MYO5A: variants seen among roughly 807,000 people sequenced by gnomAD.
MYO5A encodes unconventional myosin-Va.
MYO5A carries 98 observed loss-of-function variants against 249.7 expected under a neutral mutation model. The observed-to-expected ratio is 0.39, with a 90% confidence interval of 0.33 to 0.46. The LOEUF (loss-of-function observed/expected upper bound fraction) is 0.46, where lower values mean the gene tolerates loss of function less well. Ranked by LOEUF, MYO5A falls within the 20% of genes least tolerant of loss-of-function variation. The probability of loss-of-function intolerance (pLI) is 0.98; values close to 1 mark genes in which losing one functional copy is unlikely to be tolerated. For synonymous variants in MYO5A, 778 were observed against 810.6 expected, an observed-to-expected ratio of 0.96 and a Z score of 0.68; for missense variants, 1,696 against 2,308.8, an observed-to-expected ratio of 0.73 and a Z score of 5.44.
At chr15:52,430,235 T>C (rs2075496300) in intron 2 of MYO5A, among the ~76,000 whole-genome samples, 1 of 152,176 alleles carries the variant, frequency 6.6e-6, no homozygotes, top group Non-Finnish European at 1.5e-5. Flanking sequence ...GCCCTGTAAA[T>C]ACACAATTGT....
At chr15:52,356,973 A>G (rs1183348005) in intron 25 of MYO5A, among the ~76,000 whole-genome samples, 1 of 152,052 alleles carries the variant, frequency 6.6e-6, no homozygotes, top group African/African-American at 2.4e-5. Context: ...TCCACAAATT[A>G]ATTACACCTG....
chr15:52,431,864 T>G (rs1402435038), intron 2 of MYO5A, among the ~76,000 whole-genome samples: 1 of 151,958 alleles, frequency 6.6e-6, no homozygotes, highest in Non-Finnish European at 1.5e-5. Context: ...GGCTCATGCC[T>G]GTGGTTCCAG....
At chr15:52,402,778 G>A (rs1175446977) in intron 9 of MYO5A, among the ~76,000 whole-genome samples, 2 of 152,136 alleles carry the variant, frequency 1.3e-5, no homozygotes, top group Non-Finnish European at 2.9e-5. Context: ...CCAGGAGGTG[G>A]AGGTTGCAGT....
At chr15:52,377,257 A>G (rs993950004) in intron 18 of MYO5A, among the ~76,000 whole-genome samples, 1 of 151,916 alleles carries the variant, frequency 6.6e-6, no homozygotes, top group Non-Finnish European at 1.5e-5. Context: ...CCCTGTCTCT[A>G]TTAAAATACA....
At chr15:52,413,519 GATGCTCAT>G (rs1259141043) in intron 5 of MYO5A, among the ~76,000 whole-genome samples, 2 of 152,086 alleles carry the variant, frequency 1.3e-5, no homozygotes, top group African/African-American at 4.8e-5. Context: ...AACCATGTAG[GATGCTCAT>G]TATCCTATGA....
rs1465516863 is a variant in MYO5A, at chr15:52,348,105, C to T, written c.3858+713G>A. 3.3e-5 allele frequency among the ~76,000 whole-genome samples: 5 copies of T among 152,216 alleles called. No homozygotes were observed. In the East Asian group the frequency reaches 7.7e-4, roughly 23 times the overall value. On this transcript the variant is annotated intron_variant, in intron 29 of 41. Coordinates refer to ENST00000399233, the MANE Select transcript of MYO5A (RefSeq NM_001382347.1). ...TATGCTTCTCTCCTGGGTGGTAAGT[C>T]ACCAGTTCTTCCCTCATTCTGACTA...
rs1054277622 is a variant in MYO5A, at chr15:52,496,729, T to C, written c.27+32051A>G. ...AGACTATGAGGGCTTCATTGTACTA[T>C]TGGACTATTGATGACTCAACACTGA... On this transcript the variant is annotated intron_variant, in intron 1 of 41. Coordinates refer to ENST00000399233, the MANE Select transcript of MYO5A (RefSeq NM_001382347.1). Among the ~76,000 whole-genome samples the C allele has an allele frequency of 2.6e-5, 4 of 152,318 alleles. No homozygotes were observed. In the East Asian group the frequency reaches 7.7e-4, roughly 29 times the overall value.
At chr15:52,366,617 C>A in intron 23 of MYO5A, among the ~76,000 whole-genome samples, 2 of 127,712 alleles carry the variant, frequency 1.6e-5, no homozygotes, top group Admixed American at 8.5e-5. Context: ...AGAATAACAT[C>A]CATTGATTTA....
intron 1 of MYO5A, among the ~76,000 whole-genome samples, chr15:52,458,617 CA>C (rs548778815): frequency 0.012 from 1,617 of 139,618 alleles, 20 homozygotes; most frequent in African/African-American, 0.04. Context: ...GATTCTGTCT[CA>C]AAAAAAAAAG....
At chr15:52,427,380 T>A (rs192979738) in intron 3 of MYO5A, among the ~76,000 whole-genome samples, 2 of 151,770 alleles carry the variant, frequency 1.3e-5, no homozygotes, top group East Asian at 3.9e-4. Context: ...AATATATATA[T>A]ACATAATCTC....
At chr15:52,389,398 G>A (rs755431368) in intron 12 of MYO5A, 35 bp from the exon 13 acceptor site, 1 of 1,598,140 alleles carries the variant, frequency 6.3e-7, no homozygotes, top group African/African-American at 1.3e-5. Flanking sequence ...AAGAAAACAA[G>A]GTAAATACTG....
chr15:52,357,389 C>G (rs1170982077), intron 25 of MYO5A, among the ~76,000 whole-genome samples: 1 of 148,106 alleles, frequency 6.8e-6, no homozygotes, highest in Non-Finnish European at 1.5e-5. Context: ...CTTGAATGGG[C>G]ACTTTTTGTT....
chr15:52,451,303 T>C (rs1199564512), intron 1 of MYO5A, among the ~76,000 whole-genome samples: 1 of 152,142 alleles, frequency 6.6e-6, no homozygotes, highest in African/African-American at 2.4e-5. Flanking sequence ...AACTAAATTT[T>C]GTCCCCCTCT....
chr15:52,443,823 T>C (rs573271995), intron 1 of MYO5A, among the ~76,000 whole-genome samples: 93 of 150,980 alleles, frequency 6.2e-4, no homozygotes, highest in African/African-American at 2.1e-3. Context: ...TCTACTAAAA[T>C]ACAAAAAATT....
Position 52,410,616 on chromosome 15 carries a change from C to A in MYO5A, c.613-140G>T. On this transcript the variant is annotated intron_variant, in intron 5 of 41. Coordinates refer to ENST00000399233, the MANE Select transcript of MYO5A (RefSeq NM_001382347.1). Reference sequence around the variant, plus strand: ...TTTTTTTTTTTTTTTGAGACAGAGTCTTGCTCTGTCACTAGGCTGGAGTGC... The same window carrying A: ...TTTTTTTTTTTTTTTGAGACAGAGTATTGCTCTGTCACTAGGCTGGAGTGC... 3 of 765,938 alleles carry A rather than the reference C, an allele frequency of 3.9e-6. No homozygotes were observed. The Admixed American group carries it at 7.6e-5, about 19-fold the overall frequency. The allele number at this position is 765,938 out of a possible 1,614,324, so 47.4% of individuals were successfully genotyped here.
In MYO5A at chr15:52,528,689, G is replaced by A. The variant is rs995433434; in HGVS notation, c.27+91C>T. 1.6e-5 allele frequency: 22 copies of A among 1,405,204 alleles called. No homozygotes were observed. The South Asian group carries it at 3.1e-4, about 20-fold the overall frequency. The allele number at this position is 1,405,204 out of a possible 1,614,324, so 87.0% of individuals were successfully genotyped here. On this transcript the variant is annotated intron_variant, in intron 1 of 41. Transcript: ENST00000399233. ...GGATGGCGCTGGTGGGGCTCGCCTG[G>A]GCCCGGCGCTCCCGCCCCCTCCCCA...
At chr15:52,422,093 G>C (rs139114603) in intron 4 of MYO5A, among the ~76,000 whole-genome samples, 24 of 152,082 alleles carry the variant, frequency 1.6e-4, no homozygotes, top group African/African-American at 5.5e-4. Context: ...TGTCAAACAA[G>C]AATAAAATAA....
At chr15:52,403,308 A>G (rs1327532511) in intron 9 of MYO5A, among the ~76,000 whole-genome samples, 2 of 152,222 alleles carry the variant, frequency 1.3e-5, no homozygotes, top group Admixed American at 6.5e-5. Flanking sequence ...AAAAGGTGAA[A>G]CAACTCAAAT....
chr15:52,370,209 A>G lies in MYO5A; in HGVS notation c.3026T>C (p.Ile1009Thr). The G allele has an allele frequency of 6.2e-7, 1 of 1,614,060 alleles. No homozygotes were observed. The change falls in exon 22 of 42, where the codon ATT becomes ACT. Residue 1009 changes from isoleucine to threonine, a missense_variant. Ile to Thr is a moderately conservative substitution (Grantham distance 89, BLOSUM62 -1). Around this residue, in one of 5 missense-constraint regions of MYO5A, gnomAD observed 412 missense variants for 453.3 expected, o/e 0.91. Coordinates refer to ENST00000399233, the MANE Select transcript of MYO5A (RefSeq NM_001382347.1). ...LEQTRSEKKC[I>T]EEHADRYKQE... ...TTTGTATCGATCTGCATGTTCCTCA[A>G]TGCATTTTTTCTCTGAACGAGTTTG...
Sources: gnomAD v4.1 joint callset for allele counts (sites outside exome capture counted in the v4.1 genomes callset) on GRCh38, gnomAD v4.1.1 for gene constraint, gnomAD v4.1.1 regional missense constraint, MANE v1.5 for transcripts, NCBI Gene and HGNC (gene_info 2026-07-23, HGNC 2026-07-21) for gene names.